Variants in LRP1B observed in about 807,000 individuals in gnomAD.
LRP1B encodes LDL receptor related protein 1B.
LRP1B carries 217 observed loss-of-function variants against 556.6 expected under a neutral mutation model. The ratio of observed to expected loss-of-function variants is 0.39; its 90% confidence interval spans 0.35 to 0.44. The LOEUF (loss-of-function observed/expected upper bound fraction) is 0.44. LRP1B is among the 20% of genes least tolerant of loss of function. The pLI is 1.00. For missense variants in LRP1B, 5,053 were observed against 5,620.8 expected (o/e 0.90, Z 3.23); for synonymous variants, 2,047 against 1,865.8 (o/e 1.10, Z -2.50).
rs571284825 is a variant in LRP1B, at chr2:141,977,980, A to G, written c.82+152668T>C. 2.0e-5 allele frequency among the ~76,000 whole-genome samples: 3 copies of G among 152,292 alleles called. 1 individual carries two copies. The highest frequency in any genetic ancestry group is 7.2e-5 in the African/African-American group (3 of 41,572). On this transcript the variant is annotated intron_variant, in intron 1 of 90. Coordinates refer to ENST00000389484, the MANE Select transcript of LRP1B (RefSeq NM_018557.3). ...CGAAGTATGACTTTTCCATATTGTA[A>G]CATTGTGAGAAATACAGCATACATT...
At chr2:140,713,355 C>G (rs1316718539) in intron 37 of LRP1B, among the ~76,000 whole-genome samples, 1 of 148,132 alleles carries the variant, frequency 6.8e-6, no homozygotes, top group Non-Finnish European at 1.5e-5. Context: ...CTGCTATTTT[C>G]TCTTTATTTT....
At chr2:141,489,381 A>G (rs920451877) in intron 2 of LRP1B, among the ~76,000 whole-genome samples, 1 of 151,924 alleles carries the variant, frequency 6.6e-6, no homozygotes, top group Non-Finnish European at 1.5e-5. Context: ...TAAGGTGGAA[A>G]GGTAATTTTT....
Position 141,759,874 on chromosome 2 carries a change from T to C in LRP1B, c.205+50405A>G, listed in dbSNP as rs143371361. On this transcript the variant is annotated intron_variant, in intron 2 of 90. Coordinates refer to ENST00000389484, the MANE Select transcript of LRP1B (RefSeq NM_018557.3). ...TACTTGAATATTGGCGAGGCACCTG[T>C]AATCCCAGCACTTTGGTAGGCCGAG... Among the ~76,000 whole-genome samples, 56 of 152,262 alleles carry C rather than the reference T, an allele frequency of 3.7e-4. No individual in the cohort carries two copies. In the East Asian group the frequency reaches 0.01, roughly 28 times the overall value.
chr2:141,398,059 G>A (rs528663235), intron 3 of LRP1B, among the ~76,000 whole-genome samples: 5 of 152,180 alleles, frequency 3.3e-5, no homozygotes, highest in African/African-American at 7.2e-5. Context: ...CTTTTCTTAT[G>A]TGAACTTAAT....
At chr2:142,097,090 C>T (rs1706401100) in intron 1 of LRP1B, among the ~76,000 whole-genome samples, 1 of 151,388 alleles carries the variant, frequency 6.6e-6, no homozygotes, top group Admixed American at 6.6e-5. Flanking sequence ...AACAGTCCTG[C>T]TGTATTTATT....
chr2:140,396,196 T>A (rs1033830230), intron 66 of LRP1B, among the ~76,000 whole-genome samples: 33 of 152,194 alleles, frequency 2.2e-4, no homozygotes, highest in African/African-American at 7.7e-4. Flanking sequence ...TAGAATATTC[T>A]AGCAATTCCA....
intron 3 of LRP1B, among the ~76,000 whole-genome samples, chr2:141,382,021 C>T (rs542008516): frequency 9.9e-5 from 15 of 152,270 alleles, no homozygotes; most frequent in Admixed American, 3.3e-4. Flanking sequence ...GCTAATCACA[C>T]TCCCAGCTTC....
At chr2:141,625,748 G>A (rs992889166) in intron 2 of LRP1B, among the ~76,000 whole-genome samples, 1 of 152,088 alleles carries the variant, frequency 6.6e-6, no homozygotes, top group Non-Finnish European at 1.5e-5. Flanking sequence ...AAACTTCACT[G>A]AGCATATAAA....
chr2:140,304,623 G>T (rs1248851598), intron 83 of LRP1B, among the ~76,000 whole-genome samples: 1 of 152,080 alleles, frequency 6.6e-6, no homozygotes, highest in Non-Finnish European at 1.5e-5. Context: ...CACTCTGATG[G>T]TAGTTTCTTT....
Position 142,077,221 on chromosome 2 carries a change from T to C in LRP1B, c.82+53427A>G, listed in dbSNP as rs75535909. Among the ~76,000 whole-genome samples the C allele has an allele frequency of 4.5e-3, 683 of 152,192 alleles. 3 individuals are homozygous for C. Among genetic ancestry groups the C allele is most frequent in the African/African-American group, 0.016 (657 of 41,566 alleles). On this transcript the variant is annotated intron_variant, in intron 1 of 90. Coordinates refer to ENST00000389484, the MANE Select transcript of LRP1B (RefSeq NM_018557.3). ...AATCACGGGAGGGATTATTTGAAAT[T>C]AACTTGACCTAGGAGTGATTTATGG...
intron 18 of LRP1B, among the ~76,000 whole-genome samples, chr2:140,970,520 A>G (rs1182704117): frequency 6.6e-6 from 1 of 151,506 alleles, no homozygotes; most frequent in African/African-American, 2.4e-5. Context: ...TCTTTTCTCA[A>G]CTCGTCAGTC....
chr2:142,022,955 G>A lies in LRP1B; in HGVS notation c.82+107693C>T, dbSNP rs563377924. On this transcript the variant is annotated intron_variant, in intron 1 of 90. Transcript: ENST00000389484. ...CTTCCAAAGTGCTGGGATTACAGGC[G>A]TGAGCCAACATGCCTGGCCAAATCT... 1.6e-4 allele frequency among the ~76,000 whole-genome samples: 24 copies of A among 152,236 alleles called. 1 individual carries two copies. The highest frequency in any genetic ancestry group is 2.1e-4 in the South Asian group (1 of 4,828).
intron 15 of LRP1B, among the ~76,000 whole-genome samples, chr2:141,001,736 T>A (rs184747198): frequency 6.6e-6 from 1 of 152,248 alleles, no homozygotes; most frequent in East Asian, 1.9e-4. Context: ...AGCAAAGGCA[T>A]GATGAGACCA....
chr2:140,297,642 A>C (rs774594744), intron 84 of LRP1B, among the ~76,000 whole-genome samples, 166 bp downstream of exon 84: 1 of 152,216 alleles, frequency 6.6e-6, no homozygotes, highest in Non-Finnish European at 1.5e-5. Context: ...TAAAATCTTT[A>C]CAATAAGAGA....
chr2:141,022,599 G>T lies in LRP1B; in HGVS notation c.1790-2497C>A, dbSNP rs978460927. On this transcript the variant is annotated intron_variant, in intron 11 of 90. Coordinates refer to ENST00000389484, the MANE Select transcript of LRP1B (RefSeq NM_018557.3). ...TACGTTTGATATTTTATTCAAAGGG[G>T]TCTGGTTGGGTCCTGCCTGAGACTG... Among the ~76,000 whole-genome samples the T allele has an allele frequency of 7.2e-5, 11 of 151,982 alleles. No individual in the cohort carries two copies. The South Asian group carries it at 1.0e-3, about 14-fold the overall frequency.
At chr2:141,727,802 TATCA>T (rs1448006384) in intron 2 of LRP1B, among the ~76,000 whole-genome samples, 1 of 152,120 alleles carries the variant, frequency 6.6e-6, no homozygotes, top group East Asian at 1.9e-4. Flanking sequence ...TCTATCTATA[TATCA>T]ATCTCTCTAT....
In LRP1B at chr2:140,457,359, A is replaced by C. The variant is rs11886301; in HGVS notation, c.9814+104T>G. On this transcript the variant is annotated intron_variant, in intron 61 of 90. Coordinates refer to ENST00000389484, the MANE Select transcript of LRP1B (RefSeq NM_018557.3). ...TGATGCTAAATAATTAAATCTAGTAATCTTCATCAAAAATAAAATTACATT... is the reference window on the plus strand; with the variant it reads ...TGATGCTAAATAATTAAATCTAGTACTCTTCATCAAAAATAAAATTACATT... 4.6e-4 allele frequency: 411 copies of C among 899,796 alleles called. 1 individual carries two copies. The African/African-American group carries it at 6.0e-3, about 13-fold the overall frequency. 55.7% of individuals were successfully genotyped at this position (899,796 alleles called of 1,614,324 possible). A position where few individuals can be genotyped will look rare whatever the true frequency, so the allele number is the denominator to read the frequency against.
intron 66 of LRP1B, among the ~76,000 whole-genome samples, chr2:140,429,952 C>T (rs188952253): frequency 3.8e-4 from 58 of 152,268 alleles, no homozygotes; most frequent in Non-Finnish European, 7.8e-4. Flanking sequence ...TTTGTTGAGT[C>T]TCCCACAATT....
At chr2:140,552,658 C>G (rs1680587682) in intron 43 of LRP1B, among the ~76,000 whole-genome samples, 1 of 152,144 alleles carries the variant, frequency 6.6e-6, no homozygotes, top group South Asian at 2.1e-4. Context: ...ATGTAGAGCG[C>G]AGAAGCCTTG....
Sources: gnomAD v4.1 joint callset for allele counts (sites outside exome capture counted in the v4.1 genomes callset) on GRCh38, gnomAD v4.1.1 for gene constraint, MANE v1.5 for transcripts, NCBI Gene and HGNC (gene_info 2026-07-23, HGNC 2026-07-21) for gene names.